The following PCDH11X variants were observed in gnomAD, a reference collection of about 807,000 sequenced individuals.
PCDH11X encodes protocadherin-11 X-linked.
PCDH11X carries 18 observed loss-of-function variants against 53.3 expected under a neutral mutation model. The observed-to-expected ratio is 0.34, with a 90% CI of 0.23 to 0.50. The LOEUF (loss-of-function observed/expected upper bound fraction) is 0.50, where lower values mean the gene tolerates loss of function less well. PCDH11X is among the 20% of genes least tolerant of loss of function. The pLI, the probability that PCDH11X is intolerant of heterozygous loss-of-function variation, is 0.98. For synonymous variants in PCDH11X, 279 were observed against 393.3 expected, an observed-to-expected ratio of 0.71 and a Z score of 3.44; for missense variants, 570 against 1,032.4, an observed-to-expected ratio of 0.55 and a Z score of 6.14.
At chrX:92,201,342 C>A in intron 6 of PCDH11X, 33 bp from the exon 7 acceptor site, 1 of 1,174,829 alleles carries the variant, frequency 8.5e-7, no homozygotes, top group Non-Finnish European at 1.2e-6. Context: ...TAACAAACAG[C>A]TTAAAATACT....
At chrX:91,803,224 C>T (rs1935994197) in intron 1 of PCDH11X, among the ~76,000 whole-genome samples, 1 of 111,158 alleles carries the variant, frequency 9.0e-6, no homozygotes, top group African/African-American at 3.3e-5. Flanking sequence ...TTTATTGTGT[C>T]TGCAATTTAA....
At chrX:92,436,265 C>T (rs749872734) in intron 9 of PCDH11X, among the ~76,000 whole-genome samples, 7 of 108,088 alleles carry the variant, frequency 6.5e-5, no homozygotes, top group South Asian at 4.1e-4. Context: ...AAATCAAAAC[C>T]GCAATGAGAT....
chrX:92,110,889 C>A (rs12835974), intron 6 of PCDH11X, among the ~76,000 whole-genome samples: 1 of 109,679 alleles, frequency 9.1e-6, no homozygotes, highest in African/African-American at 3.4e-5. Flanking sequence ...ACACCATATT[C>A]TTGATAGCTC....
At chrX:91,865,404 T>C (rs59293746) in intron 5 of PCDH11X, among the ~76,000 whole-genome samples, 1,073 of 105,800 alleles carry the variant, frequency 0.01, 16 homozygotes, top group African/African-American at 0.035. Context: ...GGGGATATGG[T>C]AACACAAGCA....
At chrX:91,860,834 G>C (rs191374199) in intron 5 of PCDH11X, among the ~76,000 whole-genome samples, 1,181 of 111,944 alleles carry the variant, frequency 0.011, 17 homozygotes, top group African/African-American at 0.036. Flanking sequence ...TGGTGGATAA[G>C]CTTTTTGATT....
At chrX:91,945,901 A>G (rs1416803616) in intron 6 of PCDH11X, among the ~76,000 whole-genome samples, 1 of 110,187 alleles carries the variant, frequency 9.1e-6, no homozygotes, top group African/African-American at 3.3e-5. Flanking sequence ...CAGTTTAGCC[A>G]TTTAGTACCA....
chrX:92,181,877 A>T, intron 6 of PCDH11X, among the ~76,000 whole-genome samples: 1 of 112,682 alleles, frequency 8.9e-6, no homozygotes, highest in Non-Finnish European at 1.9e-5. Flanking sequence ...GCACTCATGG[A>T]GAACTTCTGC....
intron 6 of PCDH11X, among the ~76,000 whole-genome samples, chrX:92,169,706 A>G (rs2065791173): frequency 9.2e-6 from 1 of 109,094 alleles, no homozygotes; most frequent in Non-Finnish European, 1.9e-5. Flanking sequence ...AGAAACATTT[A>G]TTGGGTGCTT....
intron 10 of PCDH11X, among the ~76,000 whole-genome samples, chrX:92,536,233 C>T (rs1293511322): frequency 3.6e-5 from 4 of 111,273 alleles, no homozygotes; most frequent in Non-Finnish European, 7.5e-5. Context: ...AGTATGTTTT[C>T]CAGCTCTATC....
chrX:92,582,498 TC>T, intron 10 of PCDH11X, among the ~76,000 whole-genome samples: 1 of 109,185 alleles, frequency 9.2e-6, no homozygotes, highest in Non-Finnish European at 1.9e-5. Context: ...TTTTGGAACC[TC>T]CACCTAGATT....
chrX:92,336,539 CTT>C (rs1471093627), intron 8 of PCDH11X, among the ~76,000 whole-genome samples: 1 of 111,581 alleles, frequency 9.0e-6, no homozygotes, highest in African/African-American at 3.2e-5. Context: ...CATATGAAAA[CTT>C]TTTCATTAAA....
intron 5 of PCDH11X, among the ~76,000 whole-genome samples, chrX:91,854,063 G>A (rs2147666963): frequency 9.0e-6 from 1 of 110,935 alleles, no homozygotes; most frequent in Admixed American, 9.6e-5. Flanking sequence ...AATTATTATT[G>A]ACTGTAGCCA....
chrX:92,543,708 G>A (rs1017632150), intron 10 of PCDH11X, among the ~76,000 whole-genome samples: 1 of 108,781 alleles, frequency 9.2e-6, no homozygotes, highest in Non-Finnish European at 1.9e-5. Flanking sequence ...AATCCGGGAG[G>A]TGGAGGTTGC....
intron 6 of PCDH11X, among the ~76,000 whole-genome samples, chrX:91,952,422 A>C (rs941050263): frequency 5.4e-5 from 6 of 111,777 alleles, no homozygotes; most frequent in Non-Finnish European, 9.4e-5. Context: ...CAGTTGTAAA[A>C]CTTTCCATTC....
intron 9 of PCDH11X, among the ~76,000 whole-genome samples, chrX:92,442,463 C>A (rs1363576564): frequency 1.8e-5 from 2 of 111,499 alleles, no homozygotes; most frequent in East Asian, 2.8e-4. Flanking sequence ...ACCACAAGAT[C>A]TGATGGTTCT....
chrX:92,147,795 TTTC>T (rs1158062676), intron 6 of PCDH11X, among the ~76,000 whole-genome samples: 88 of 85,037 alleles, frequency 1.0e-3, no homozygotes, highest in Non-Finnish European at 1.7e-3. Flanking sequence ...TTTCTTTTCC[TTTC>T]TTTTCTTCCT....
intron 6 of PCDH11X, among the ~76,000 whole-genome samples, chrX:92,048,745 A>G (rs983668245): frequency 8.9e-6 from 1 of 112,089 alleles, no homozygotes; most frequent in African/African-American, 3.2e-5. Context: ...TCCGTATTTG[A>G]AGAGATTTAT....
intron 9 of PCDH11X, among the ~76,000 whole-genome samples, chrX:92,461,367 C>T (rs1225821199): frequency 9.2e-6 from 1 of 108,831 alleles, no homozygotes; most frequent in Non-Finnish European, 1.9e-5. Context: ...GACACATATA[C>T]CAGGGGAACA....
chrX:92,560,617 G>C (rs927093609), intron 10 of PCDH11X, among the ~76,000 whole-genome samples: 3 of 109,145 alleles, frequency 2.7e-5, no homozygotes, highest in Non-Finnish European at 5.7e-5. Context: ...AGCTGACTTG[G>C]TCTTTAAGTG....
Sources: gnomAD v4.1 joint callset for allele counts (sites outside exome capture counted in the v4.1 genomes callset) on GRCh38, gnomAD v4.1.1 for gene constraint, MANE v1.5 for transcripts, NCBI Gene and HGNC (gene_info 2026-07-23, HGNC 2026-07-21) for gene names.